FAM171B: variants seen among roughly 807,000 people sequenced by gnomAD.
The protein encoded by FAM171B is protein FAM171B.
In FAM171B, 19 loss-of-function variants were observed where a neutral mutation model predicts 75.6. The ratio of observed to expected loss-of-function variants is 0.25; its 90% CI spans 0.18 to 0.37. The LOEUF is 0.37. Ranked by LOEUF, FAM171B falls within the 10% of genes least tolerant of loss-of-function variation. The pLI, the probability that FAM171B is intolerant of heterozygous loss-of-function variation, is 1.00. For missense variants in FAM171B, 848 were observed against 982.4 expected, an observed-to-expected ratio of 0.86 and a Z score of 1.83; for synonymous variants, 367 against 361.7, an observed-to-expected ratio of 1.01 and a Z score of -0.17.
chr2:186,756,443 C>G (rs1480249645), intron 6 of FAM171B, among the ~76,000 whole-genome samples: 1 of 152,136 alleles, frequency 6.6e-6, no homozygotes, highest in Non-Finnish European at 1.5e-5. Flanking sequence ...TTAGTCTGCT[C>G]AGGCAGCCAT....
intron 1 of FAM171B, among the ~76,000 whole-genome samples, chr2:186,717,554 A>G: frequency 6.6e-6 from 1 of 152,148 alleles, no homozygotes; most frequent in East Asian, 1.9e-4. Context: ...TTCTGATCAG[A>G]TGCCCCTCCC....
chr2:186,703,274 C>G (rs1689689311), intron 1 of FAM171B, among the ~76,000 whole-genome samples: 1 of 152,090 alleles, frequency 6.6e-6, no homozygotes, highest in African/African-American at 2.4e-5. Flanking sequence ...CACTTGTTAG[C>G]TCTGCTGAGA....
intron 3 of FAM171B, among the ~76,000 whole-genome samples, chr2:186,744,043 G>GT (rs954715316): frequency 1.3e-5 from 2 of 152,148 alleles, no homozygotes; most frequent in African/African-American, 4.8e-5. Flanking sequence ...TGTATCCCAA[G>GT]GAGAAGAGTG....
chr2:186,723,284 G>C (rs1247637256), intron 1 of FAM171B, among the ~76,000 whole-genome samples: 1 of 152,144 alleles, frequency 6.6e-6, no homozygotes, highest in Non-Finnish European at 1.5e-5. Flanking sequence ...CTCTCATATA[G>C]TTTTATCAAT....
In FAM171B at chr2:186,762,875, T is replaced by C. The variant is rs1242772372; in HGVS notation, c.*52T>C. The C allele has an allele frequency of 3.2e-6, 5 of 1,549,694 alleles. No homozygotes were observed. The highest frequency in any genetic ancestry group is 4.3e-6 in the Non-Finnish European group (5 of 1,150,578). On this transcript the variant is annotated 3_prime_UTR_variant, in exon 8 of 8. Coordinates refer to ENST00000304698, the MANE Select transcript of FAM171B (RefSeq NM_177454.4). This position sits in a 1 kb window ranked among gnomAD's most constrained non-coding sequence, Gnocchi z 4.0. ...TCTCGTGCTGTTTATTCTTGCTTCTTGTTGTAAATTGCAGTACGAACTTAA... is the reference window on the plus strand; with the variant it reads ...TCTCGTGCTGTTTATTCTTGCTTCTCGTTGTAAATTGCAGTACGAACTTAA...
At chr2:186,711,484 C>G (rs1689808419) in intron 1 of FAM171B, among the ~76,000 whole-genome samples, 1 of 152,154 alleles carries the variant, frequency 6.6e-6, no homozygotes, top group Admixed American at 6.5e-5. Flanking sequence ...CTGCCACAGT[C>G]CCCACCCTGA....
chr2:186,731,795 C>G (rs1342649478), intron 1 of FAM171B, among the ~76,000 whole-genome samples: 1 of 152,102 alleles, frequency 6.6e-6, no homozygotes, highest in African/African-American at 2.4e-5. Flanking sequence ...CTGGGCTCCA[C>G]CTCTTGTCAG....
intron 1 of FAM171B, among the ~76,000 whole-genome samples, chr2:186,701,508 T>C (rs1219837817): frequency 6.6e-6 from 1 of 152,208 alleles, no homozygotes; most frequent in Non-Finnish European, 1.5e-5. Context: ...CATTTTCTCT[T>C]GCCCTTTGTA....
intron 1 of FAM171B, among the ~76,000 whole-genome samples, chr2:186,735,425 T>A (rs762823814): frequency 6.6e-6 from 1 of 152,176 alleles, no homozygotes; most frequent in Non-Finnish European, 1.5e-5. Flanking sequence ...ATAGTGATGT[T>A]ATTTGCAGGA....
intron 1 of FAM171B, among the ~76,000 whole-genome samples, chr2:186,703,661 C>T (rs1689697259): frequency 6.6e-6 from 1 of 152,156 alleles, no homozygotes; most frequent in South Asian, 2.1e-4. Context: ...CTCTTGCCTC[C>T]TTTCCTGTGT....
chr2:186,697,893 T>C (rs1221204246), intron 1 of FAM171B, among the ~76,000 whole-genome samples: 2 of 151,398 alleles, frequency 1.3e-5, no homozygotes, highest in African/African-American at 2.5e-5. Context: ...AATGTGAACA[T>C]TTTTTAAAAA....
At chr2:186,754,910 G>A (rs1365838945) in intron 6 of FAM171B, among the ~76,000 whole-genome samples, 1 of 152,124 alleles carries the variant, frequency 6.6e-6, no homozygotes, top group Non-Finnish European at 1.5e-5. Flanking sequence ...GGACACCCCT[G>A]TACTAAATGA....
At position 186,761,108 on chromosome 2, in the gene FAM171B, T is replaced by C; in HGVS notation, c.1013-5T>C. ...TTTTCTCTTTGTTTATATTGAACCA[T>C]GTAGGTTCAGGTATAAATGAAGATT... On this transcript the variant is annotated splice_polypyrimidine_tract_variant and splice_region_variant and intron_variant, in intron 6 of 7. Transcript: ENST00000304698. 1 of 1,605,052 alleles carries C rather than the reference T, an allele frequency of 6.2e-7. No homozygotes were observed.
intron 7 of FAM171B, 113 bp downstream of exon 7, chr2:186,761,349 T>C: frequency 1.4e-6 from 2 of 1,438,468 alleles, no homozygotes; most frequent in South Asian, 2.8e-5. Flanking sequence ...TAATATATCC[T>C]TTTTTATTTT....
chr2:186,761,089 C>A, intron 6 of FAM171B, 24 bp from the exon 7 acceptor site: 1 of 1,580,426 alleles, frequency 6.3e-7, no homozygotes, highest in Non-Finnish European at 8.6e-7. Flanking sequence ...AACATTTTCT[C>A]TTTGTTTATA....
At chr2:186,749,176 A>G (rs1235827693) in intron 4 of FAM171B, among the ~76,000 whole-genome samples, 1 of 152,194 alleles carries the variant, frequency 6.6e-6, no homozygotes, top group African/African-American at 2.4e-5. Flanking sequence ...TGGTCACTTT[A>G]TTAGATTACA....
intron 1 of FAM171B, among the ~76,000 whole-genome samples, chr2:186,703,253 T>A (rs1689689060): frequency 6.6e-6 from 1 of 152,096 alleles, no homozygotes; most frequent in African/African-American, 2.4e-5. Context: ...ACAAATTATG[T>A]ATTTTTAATT....
intron 6 of FAM171B, among the ~76,000 whole-genome samples, chr2:186,757,739 C>G (rs1690553033): frequency 6.6e-6 from 1 of 152,144 alleles, no homozygotes; most frequent in Admixed American, 6.6e-5. Context: ...CATGCATGCA[C>G]ACACATGCAC....
intron 1 of FAM171B, among the ~76,000 whole-genome samples, chr2:186,705,340 T>C (rs967648581): frequency 6.6e-6 from 1 of 152,134 alleles, no homozygotes; most frequent in Non-Finnish European, 1.5e-5. Context: ...GGTGGACATG[T>C]CTTATGGAAA....
Sources: allele counts gnomAD v4.1 joint callset (sites outside exome capture counted in the v4.1 genomes callset), GRCh38; gene constraint gnomAD v4.1.1; non-coding constraint Gnocchi (gnomAD v3.1); transcripts MANE v1.5; gene names NCBI Gene and HGNC (gene_info 2026-07-23, HGNC 2026-07-21).